The following EPB41L4A variants were observed in gnomAD, a reference collection of about 807,000 sequenced individuals.
EPB41L4A encodes erythrocyte membrane protein band 4.1 like 4A.
In EPB41L4A, 100 loss-of-function variants were observed where a neutral mutation model predicts 108.6. The observed-to-expected ratio is 0.92, with a 90% confidence interval of 0.78 to 1.09. The LOEUF (loss-of-function observed/expected upper bound fraction) is 1.09. Ranked by LOEUF, EPB41L4A falls within the 50% of genes least tolerant of loss-of-function variation. The pLI is 0.00. For synonymous variants in EPB41L4A, 319 were observed against 289.0 expected (o/e 1.10, Z -1.05); for missense variants, 1,030 against 842.7 (o/e 1.22, Z -2.75).
intron 12 of EPB41L4A, among the ~76,000 whole-genome samples, chr5:112,148,045 A>T (rs1759328324): frequency 1.3e-5 from 2 of 151,014 alleles, no homozygotes; most frequent in African/African-American, 4.9e-5. Context: ...AAAATAAATT[A>T]AAAAATAAAC....
At chr5:112,400,276 GC>G (rs913567789) in intron 1 of EPB41L4A, among the ~76,000 whole-genome samples, 2 of 151,888 alleles carry the variant, frequency 1.3e-5, no homozygotes, top group African/African-American at 4.8e-5. Flanking sequence ...GCGGAAAACC[GC>G]CCCCATGATT....
intron 22 of EPB41L4A, 56 bp from the exon 23 acceptor site, chr5:112,165,174 A>G (rs955746333): frequency 1.4e-5 from 19 of 1,383,402 alleles, no homozygotes; most frequent in African/African-American, 4.4e-5. Flanking sequence ...CAAATGAAGT[A>G]TTTTAATTAC....
intron 1 of EPB41L4A, among the ~76,000 whole-genome samples, chr5:112,338,002 T>C (rs1757036544): frequency 6.6e-6 from 1 of 152,068 alleles, no homozygotes; most frequent in South Asian, 2.1e-4. Context: ...ATCTCCTAAA[T>C]CGCTCGCCTT....
intron 12 of EPB41L4A, among the ~76,000 whole-genome samples, chr5:112,227,966 G>C (rs1748590214): frequency 6.6e-6 from 1 of 152,140 alleles, no homozygotes; most frequent in Non-Finnish European, 1.5e-5. Flanking sequence ...CCTGGAGTTG[G>C]CCCACTGACC....
At chr5:112,181,997 C>T (rs548530585) in intron 18 of EPB41L4A, among the ~76,000 whole-genome samples, 43 of 151,588 alleles carry the variant, frequency 2.8e-4, no homozygotes, top group African/African-American at 9.5e-4. Context: ...GGCTTGAACC[C>T]GGGAGGCAGA....
chr5:112,374,280 C>A (rs1759672332), intron 1 of EPB41L4A, among the ~76,000 whole-genome samples: 2 of 152,146 alleles, frequency 1.3e-5, no homozygotes, highest in African/African-American at 2.4e-5. Flanking sequence ...GTTCTCATTA[C>A]CCAACAGTTT....
chr5:112,197,438 G>A (rs1173810227), intron 15 of EPB41L4A, among the ~76,000 whole-genome samples: 1 of 152,008 alleles, frequency 6.6e-6, no homozygotes, highest in South Asian at 2.1e-4. Flanking sequence ...CAAATTTTGG[G>A]GTCACTATTT....
intron 6 of EPB41L4A, chr5:112,264,637 T>C (rs1156854954): frequency 1.5e-5 from 4 of 265,800 alleles, no homozygotes; most frequent in East Asian, 7.8e-5. Flanking sequence ...AAATTGTACA[T>C]ACAAAGAGAT....
At chr5:112,228,450 G>C (rs1244707348) in intron 12 of EPB41L4A, 2 of 152,530 alleles carry the variant, frequency 1.3e-5, no homozygotes. Flanking sequence ...CTTCCACAGA[G>C]GCAGAATGGG....
At chr5:112,412,048 T>C (rs115844410) in intron 1 of EPB41L4A, among the ~76,000 whole-genome samples, 1,711 of 152,286 alleles carry the variant, frequency 0.011, 34 homozygotes, top group African/African-American at 0.037. Flanking sequence ...CATTACTAAA[T>C]GCGCTTTCCC....
At chr5:112,416,070 A>G (rs778034131) in intron 1 of EPB41L4A, among the ~76,000 whole-genome samples, 5 of 152,280 alleles carry the variant, frequency 3.3e-5, no homozygotes, top group Non-Finnish European at 2.9e-5. Flanking sequence ...TTACCATATA[A>G]GATGAGTAAC....
chr5:112,215,479 T>C (rs1460586272), intron 12 of EPB41L4A, among the ~76,000 whole-genome samples: 1 of 152,076 alleles, frequency 6.6e-6, no homozygotes, highest in Non-Finnish European at 1.5e-5. Flanking sequence ...AAGACAAAGC[T>C]TGCTCGGGCG....
rs557057301 is a variant in EPB41L4A at position 112,194,616 on chromosome 5, C to T, written c.1454G>A (p.Gly485Asp). The T allele has an allele frequency of 6.2e-7, 1 of 1,606,454 alleles. No individual in the cohort carries two copies. The highest frequency in any genetic ancestry group is 1.3e-5 in the African/African-American group (1 of 74,654). ...RSRSRCNTSSGSESENSNREY... is the reference protein window; with the variant it reads ...RSRSRCNTSSDSESENSNREY... ...TCTATTAGAATTTTCTGATTCACTACCACTGCTGGTGTTACAGCGTGAACG... is the reference window on the plus strand; with the variant it reads ...TCTATTAGAATTTTCTGATTCACTATCACTGCTGGTGTTACAGCGTGAACG... The change falls in exon 17 of 23, where the codon GGT (glycine) becomes GAT (aspartate). Residue 485 changes from glycine (G) to aspartate (D), a missense_variant. Gly to Asp is a moderately conservative substitution (Grantham distance 94). Coordinates refer to ENST00000261486, the MANE Select transcript of EPB41L4A (RefSeq NM_022140.5).
intron 15 of EPB41L4A, among the ~76,000 whole-genome samples, chr5:112,196,470 A>C (rs1387509593): frequency 6.6e-6 from 1 of 152,220 alleles, no homozygotes; most frequent in African/African-American, 2.4e-5. Flanking sequence ...TTGCTTATTC[A>C]ACTATTTCCA....
At chr5:112,278,592 C>T (rs991561565) in intron 3 of EPB41L4A, among the ~76,000 whole-genome samples, 9 of 152,070 alleles carry the variant, frequency 5.9e-5, no homozygotes, top group African/African-American at 2.2e-4. Context: ...GAAAAAGTGA[C>T]TGCATTATAG....
intron 2 of EPB41L4A, among the ~76,000 whole-genome samples, chr5:112,285,021 C>A (rs774932415): frequency 1.2e-4 from 19 of 152,144 alleles, no homozygotes; most frequent in Non-Finnish European, 2.4e-4. Flanking sequence ...CGGGGTCCAA[C>A]CTTTCATTTG....
intron 9 of EPB41L4A, among the ~76,000 whole-genome samples, chr5:112,255,572 T>C (rs781651040): frequency 6.6e-6 from 1 of 152,178 alleles, no homozygotes; most frequent in Non-Finnish European, 1.5e-5. Context: ...ACATGCTTAA[T>C]ACATGACTTT....
In EPB41L4A at chr5:112,255,955, C is replaced by T. The variant is rs146129007; in HGVS notation, c.795+3274G>A. On this transcript the variant is annotated intron_variant, in intron 9 of 22. Transcript: ENST00000261486. ...AGCTCTATACTTATACCTCCTGCTT[C>T]TCAGGCCAAACTCGTTTAAGTGACC... Among the ~76,000 whole-genome samples, 1,021 of 152,248 alleles carry T rather than the reference C, an allele frequency of 6.7e-3. 7 individuals carry two copies. Among genetic ancestry groups the T allele is most frequent in the Non-Finnish European group, 0.011 (718 of 68,014 alleles).
intron 12 of EPB41L4A, among the ~76,000 whole-genome samples, chr5:112,221,451 A>C (rs1748041865): frequency 6.6e-6 from 1 of 152,216 alleles, no homozygotes; most frequent in African/African-American, 2.4e-5. Flanking sequence ...GTGATCTTGG[A>C]CAAGTTATTA....
Sources: allele counts gnomAD v4.1 joint callset (sites outside exome capture counted in the v4.1 genomes callset), GRCh38; gene constraint gnomAD v4.1.1; transcripts MANE v1.5; gene names NCBI Gene and HGNC (gene_info 2026-07-23, HGNC 2026-07-21).